The following GNAQ variants were observed in gnomAD, a reference collection of about 807,000 sequenced individuals.
The protein encoded by GNAQ is guanine nucleotide-binding protein G(q) subunit alpha.
A neutral mutation model predicts 43.9 loss-of-function variants in GNAQ; 8 were observed. The ratio of observed to expected loss-of-function variants is 0.18; its 90% CI spans 0.11 to 0.33. GNAQ has a LOEUF of 0.33. GNAQ is among the 10% of genes least tolerant of loss of function. GNAQ has a pLI of 1.00. For missense variants in GNAQ, 158 were observed against 450.8 expected, an observed-to-expected ratio of 0.35 and a Z score of 5.88; for synonymous variants, 155 against 170.7, an observed-to-expected ratio of 0.91 and a Z score of 0.71.
intron 1 of GNAQ, among the ~76,000 whole-genome samples, chr9:78,029,374 T>C (rs1824020967): frequency 1.3e-5 from 2 of 152,140 alleles, no homozygotes; most frequent in South Asian, 2.1e-4. Flanking sequence ...AACACTCTTA[T>C]TTCTTTTGTT....
intron 2 of GNAQ, among the ~76,000 whole-genome samples, chr9:77,919,924 G>C (rs1399850006): frequency 6.6e-6 from 1 of 152,112 alleles, no homozygotes; most frequent in Non-Finnish European, 1.5e-5. Flanking sequence ...GGCGGATCAT[G>C]AAATCAAGAG....
At chr9:77,940,214 C>T (rs1421769320) in intron 1 of GNAQ, among the ~76,000 whole-genome samples, 1 of 152,092 alleles carries the variant, frequency 6.6e-6, no homozygotes, top group Non-Finnish European at 1.5e-5. Flanking sequence ...AGTACACAGT[C>T]CTAATATCCC....
intron 2 of GNAQ, among the ~76,000 whole-genome samples, chr9:77,881,580 T>C (rs867852416): frequency 3.9e-5 from 6 of 152,098 alleles, no homozygotes; most frequent in African/African-American, 1.4e-4. Flanking sequence ...GGGCTTGCTA[T>C]AGTATATTGC....
chr9:77,779,543 A>G (rs1017328898), intron 5 of GNAQ, among the ~76,000 whole-genome samples: 1 of 151,774 alleles, frequency 6.6e-6, no homozygotes, highest in African/African-American at 2.4e-5. Context: ...GCAGAAGAAA[A>G]TAAGTAATAA....
At chr9:77,993,480 C>T (rs1020723441) in intron 1 of GNAQ, among the ~76,000 whole-genome samples, 1 of 151,980 alleles carries the variant, frequency 6.6e-6, no homozygotes, top group African/African-American at 2.4e-5. Flanking sequence ...GGGCAGATCA[C>T]GAGGTCAGAA....
chr9:77,960,848 T>C (rs1823099207), intron 1 of GNAQ, among the ~76,000 whole-genome samples: 1 of 152,200 alleles, frequency 6.6e-6, no homozygotes, highest in South Asian at 2.1e-4. Context: ...TCCTTTCCTG[T>C]ATTTTTCATG....
chr9:78,030,965 C>T, intron 1 of GNAQ, 135 bp downstream of exon 1: 1 of 483,418 alleles, frequency 2.1e-6, no homozygotes, highest in Non-Finnish European at 3.2e-6. Context: ...AAGGCAGTGG[C>T]CGGGGGCGCG....
intron 1 of GNAQ, among the ~76,000 whole-genome samples, chr9:78,018,847 G>A (rs1823870776): frequency 6.6e-6 from 1 of 152,102 alleles, no homozygotes; most frequent in Admixed American, 6.5e-5. Flanking sequence ...AGAAATCATT[G>A]TGTCAACCCA....
chr9:77,863,231 A>G (rs373404196), intron 2 of GNAQ, among the ~76,000 whole-genome samples: 134 of 59,900 alleles, frequency 2.2e-3, no homozygotes, highest in East Asian at 8.0e-3. Flanking sequence ...AGGAAGGAAG[A>G]AAGGAAGGAA....
At chr9:77,975,062 A>G (rs927341867) in intron 1 of GNAQ, among the ~76,000 whole-genome samples, 2 of 152,130 alleles carry the variant, frequency 1.3e-5, no homozygotes, top group African/African-American at 4.8e-5. Flanking sequence ...CCTGTCTTGT[A>G]TTGTGTCTTT....
At chr9:77,870,815 C>A in intron 2 of GNAQ, among the ~76,000 whole-genome samples, 1 of 151,432 alleles carries the variant, frequency 6.6e-6, no homozygotes, top group Non-Finnish European at 1.5e-5. Context: ...GGTACAAGCA[C>A]ATTAAAAAAA....
chr9:77,813,683 G>T (rs750332142), intron 3 of GNAQ, among the ~76,000 whole-genome samples: 1 of 152,082 alleles, frequency 6.6e-6, no homozygotes, highest in Non-Finnish European at 1.5e-5. Flanking sequence ...AAACCCTAAG[G>T]GGGAGACGTA....
intron 5 of GNAQ, among the ~76,000 whole-genome samples, chr9:77,729,814 A>G (rs1261559200): frequency 6.6e-6 from 1 of 152,128 alleles, no homozygotes; most frequent in Admixed American, 6.5e-5. Context: ...GGTGGCGTAC[A>G]CCAGAGCATC....
At chr9:77,785,433 G>A (rs1304876133) in intron 5 of GNAQ, among the ~76,000 whole-genome samples, 2 of 152,202 alleles carry the variant, frequency 1.3e-5, no homozygotes, top group African/African-American at 2.4e-5. Flanking sequence ...AACCCACAGT[G>A]TTTCTGGTGC....
intron 1 of GNAQ, among the ~76,000 whole-genome samples, chr9:77,970,124 C>T (rs1823217978): frequency 6.6e-6 from 1 of 151,818 alleles, no homozygotes; most frequent in Admixed American, 6.6e-5. Context: ...GAGGCTGAGA[C>T]AGAAGAATCG....
At chr9:77,723,619 A>G (rs977648408) in intron 6 of GNAQ, among the ~76,000 whole-genome samples, 2 of 152,266 alleles carry the variant, frequency 1.3e-5, no homozygotes, top group Admixed American at 1.3e-4. Context: ...AAAAAAGAGT[A>G]AAGCTCTGAC....
chr9:77,962,892 C>CAAAAA (rs538653191), intron 1 of GNAQ, among the ~76,000 whole-genome samples: 5 of 55,214 alleles, frequency 9.1e-5, no homozygotes, highest in Non-Finnish European at 1.5e-4. Context: ...AACTTAGTCT[C>CAAAAA]AAAAAAAAAA....
At chr9:77,985,654 G>A (rs1304496619) in intron 1 of GNAQ, among the ~76,000 whole-genome samples, 2 of 151,804 alleles carry the variant, frequency 1.3e-5, no homozygotes, top group Non-Finnish European at 2.9e-5. Flanking sequence ...GCATGATCTC[G>A]GCTTACTGCA....
At chr9:77,981,270 C>T (rs1034393504) in intron 1 of GNAQ, among the ~76,000 whole-genome samples, 1 of 150,962 alleles carries the variant, frequency 6.6e-6, no homozygotes, top group Non-Finnish European at 1.5e-5. Flanking sequence ...TCAATCAAGA[C>T]AAAAAAAATA....
Sources: allele counts gnomAD v4.1 joint callset (sites outside exome capture counted in the v4.1 genomes callset), GRCh38; gene constraint gnomAD v4.1.1; transcripts MANE v1.5; gene names NCBI Gene and HGNC (gene_info 2026-07-23, HGNC 2026-07-21).